Variants in ANKRD30BL observed in about 807,000 individuals in gnomAD.
ANKRD30BL encodes the protein putative ankyrin repeat domain-containing protein 30B-like.
A neutral mutation model predicts 18.4 loss-of-function variants in ANKRD30BL; 20 were observed. That is an observed-to-expected ratio of 1.09 (90% confidence interval 0.77 to 1.58). The LOEUF is 1.58. Ranked by LOEUF, ANKRD30BL falls within the 40% of genes most tolerant of loss-of-function variation. The pLI, the probability that ANKRD30BL is intolerant of heterozygous loss-of-function variation, is 0.00. For synonymous variants in ANKRD30BL, 72 were observed against 100.9 expected (o/e 0.71, Z 1.72); for missense variants, 224 against 268.6 (o/e 0.83, Z 1.16).
intron 1 of ANKRD30BL, among the ~76,000 whole-genome samples, chr2:132,250,106 C>T (rs971541664): frequency 1.3e-5 from 2 of 152,024 alleles, no homozygotes; most frequent in East Asian, 1.9e-4. Context: ...GATGAATCCA[C>T]ACATCACAAA....
At position 132,148,153 on chromosome 2, in the gene ANKRD30BL, A is replaced by G. The variant is rs1423196595; in HGVS notation, c.755T>C (p.Val252Ala). The G allele has an allele frequency of 6.3e-7, 1 of 1,599,844 alleles. No individual in the cohort carries two copies. Among genetic ancestry groups the G allele is most frequent in the South Asian group, 1.1e-5 (1 of 89,186 alleles). The change falls in exon 6 of 6, where the codon GTG (valine) becomes GCG (alanine). Residue 252 changes from valine to alanine, a missense_variant. Physicochemically the swap from Val to Ala is moderately conservative, Grantham distance 64. This residue lies in a region of ANKRD30BL where 63 missense variants were observed against 62.3 expected (regional missense o/e 1.01). Coordinates refer to ENST00000409867, the MANE Select transcript of ANKRD30BL (RefSeq NM_001358416.1). The part of the protein sequence containing the change: ...ERTPDTAESL[V>A]ERTPDE ...ATCCTATTCATCAGGTGTTCTTTCC[A>G]CCAAGCTTTCAGCCGTGTCAGGTGT...
At chr2:132,256,911 C>A in intron 1 of ANKRD30BL, 1 of 467,380 alleles carries the variant, frequency 2.1e-6, no homozygotes. Context: ...ACAGGCAAGG[C>A]CAGGGACCGC....
At chr2:132,195,109 C>T (rs931785648) in intron 1 of ANKRD30BL, among the ~76,000 whole-genome samples, 4 of 152,022 alleles carry the variant, frequency 2.6e-5, no homozygotes, top group Non-Finnish European at 4.4e-5. Flanking sequence ...AGTGAAAAAT[C>T]AGTAAGACAG....
At chr2:132,229,583 T>G (rs981703616) in intron 1 of ANKRD30BL, among the ~76,000 whole-genome samples, 24 of 152,188 alleles carry the variant, frequency 1.6e-4, no homozygotes, top group African/African-American at 5.8e-4. Flanking sequence ...AGTTGTTATT[T>G]GGAACTCTGT....
chr2:132,225,204 A>C (rs578009574), intron 1 of ANKRD30BL, among the ~76,000 whole-genome samples: 5 of 151,982 alleles, frequency 3.3e-5, no homozygotes, highest in Non-Finnish European at 7.4e-5. Context: ...TTCTGTGTGC[A>C]TTCAGCTCAC....
chr2:132,250,758 A>C (rs1433599529), intron 1 of ANKRD30BL, among the ~76,000 whole-genome samples: 2 of 152,148 alleles, frequency 1.3e-5, no homozygotes, highest in African/African-American at 4.8e-5. Context: ...TATGTTTCTG[A>C]TTCCTTATTT....
rs1314923552 is a variant in ANKRD30BL, at chr2:132,156,956, C to T, written c.507+17G>A. The T allele has an allele frequency of 2.5e-6, 2 of 812,838 alleles. No homozygotes were observed. The highest frequency in any genetic ancestry group is 3.0e-5 in the East Asian group (1 of 33,032). 50.4% of individuals were successfully genotyped at this position (812,838 alleles called of 1,614,324 possible). A position where few individuals can be genotyped will look rare whatever the true frequency, so the allele number is the denominator to read the frequency against. On this transcript the variant is annotated intron_variant, in intron 3 of 5. Coordinates refer to ENST00000409867, the MANE Select transcript of ANKRD30BL (RefSeq NM_001358416.1). The stretch of plus-strand genomic sequence containing the variant: ...TGGATTTCAAATATTTTGAAAATAA[C>T]ATTGGTTAATGTCTACCTTGTTCTT...
chr2:132,166,428 AT>A (rs1277916954), upstream of ANKRD30BL, among the ~76,000 whole-genome samples: 3 of 122,344 alleles, frequency 2.5e-5, no homozygotes, highest in East Asian at 5.4e-4. Flanking sequence ...GCCTGGAAAC[AT>A]TGGGGGGGTG....
intron 1 of ANKRD30BL, among the ~76,000 whole-genome samples, chr2:132,200,952 G>T (rs567595747): frequency 2.6e-5 from 4 of 152,124 alleles, no homozygotes; most frequent in Non-Finnish European, 4.4e-5. Flanking sequence ...CAGAGATATA[G>T]ATCAATGGAA....
rs1411723343 is a variant in ANKRD30BL at position 132,198,270 on chromosome 2, TTC to T, written n.442-41126_442-41125del. 1.1e-4 allele frequency among the ~76,000 whole-genome samples: 4 copies of T among 35,792 alleles called. No homozygotes were observed. In the East Asian group the frequency reaches 3.1e-3, roughly 28 times the overall value. The allele number at this position is 35,792 out of a possible 152,430, so 23.5% of individuals were successfully genotyped here. The stretch of plus-strand genomic sequence containing the variant: ...ATTTACTATACCTTCTTTCTTTCTT[TTC>T]TTTCTTTCTTTCTTTCTTTCTTTCT... On this transcript the variant is annotated intron_variant and non_coding_transcript_variant, in intron 1 of 4. Coordinates refer to the ANKRD30BL transcript ENST00000470729.
At chr2:132,163,843 T>G (rs982303955), upstream of ANKRD30BL, among the ~76,000 whole-genome samples, 12 of 152,288 alleles carry the variant, frequency 7.9e-5, 1 homozygote, top group African/African-American at 2.9e-4. Context: ...AAGACTTGAG[T>G]GTTAGATATG....
intron 1 of ANKRD30BL, among the ~76,000 whole-genome samples, chr2:132,199,177 C>T (rs1679040000): frequency 6.6e-6 from 1 of 151,788 alleles, no homozygotes; most frequent in Admixed American, 6.6e-5. Context: ...TGGTGAAACC[C>T]CATCTCTACT....
chr2:132,196,407 G>A (rs1261274000), intron 1 of ANKRD30BL, among the ~76,000 whole-genome samples: 6 of 152,032 alleles, frequency 3.9e-5, no homozygotes, highest in Admixed American at 2.0e-4. Context: ...CAGAGATCAC[G>A]CCATTGCACT....
At chr2:132,251,479 C>T (rs375058153) in intron 1 of ANKRD30BL, among the ~76,000 whole-genome samples, 3 of 152,206 alleles carry the variant, frequency 2.0e-5, no homozygotes, top group Non-Finnish European at 4.4e-5. Context: ...TTTCCTCCAC[C>T]CCTTCCCCTT....
chr2:132,210,760 G>C (rs112554478), intron 1 of ANKRD30BL, among the ~76,000 whole-genome samples: 1 of 151,756 alleles, frequency 6.6e-6, no homozygotes, highest in East Asian at 1.9e-4. Flanking sequence ...TTTCTGATGT[G>C]TGCATTCATC....
At chr2:132,249,682 T>C (rs897239211) in intron 1 of ANKRD30BL, among the ~76,000 whole-genome samples, 8 of 152,136 alleles carry the variant, frequency 5.3e-5, no homozygotes, top group African/African-American at 1.9e-4. Flanking sequence ...TGCTTGCAAA[T>C]ATCCCTTTGC....
At chr2:132,177,197 C>G (rs2104944966) in intron 1 of ANKRD30BL, among the ~76,000 whole-genome samples, 1 of 152,058 alleles carries the variant, frequency 6.6e-6, no homozygotes, top group Non-Finnish European at 1.5e-5. Flanking sequence ...CTTGGTCACC[C>G]AGGTGGAGTG....
intron 1 of ANKRD30BL, among the ~76,000 whole-genome samples, chr2:132,240,043 A>G (rs58538155): frequency 0.071 from 10,819 of 151,866 alleles, 1,250 homozygotes; most frequent in African/African-American, 0.25. Context: ...TTCAACTCAC[A>G]GAGTTGAACA....
At chr2:132,219,122 T>C (rs1261372598) in intron 1 of ANKRD30BL, among the ~76,000 whole-genome samples, 1 of 151,970 alleles carries the variant, frequency 6.6e-6, no homozygotes, top group Non-Finnish European at 1.5e-5. Flanking sequence ...CCTTGAGGCC[T>C]ATGGTGGAAA....
Sources: gnomAD v4.1 joint callset for allele counts (sites outside exome capture counted in the v4.1 genomes callset) on GRCh38, gnomAD v4.1.1 for gene constraint, gnomAD v4.1.1 regional missense constraint, MANE v1.5 for transcripts, NCBI Gene and HGNC (gene_info 2026-07-23, HGNC 2026-07-21) for gene names.